CEP152: variants seen among roughly 807,000 people sequenced by gnomAD.
The protein encoded by CEP152 is centrosomal protein 152, also known as centrosomal protein of 152 kDa.
Under a neutral mutation model 188.9 loss-of-function variants are expected in CEP152, and 132 were observed. The ratio of observed to expected loss-of-function variants is 0.70; its 90% CI spans 0.61 to 0.81. The LOEUF is 0.81. Among genes scored for constraint, CEP152 ranks in the 30% least tolerant of loss-of-function variants. CEP152 has a pLI of 0.00. For synonymous variants in CEP152, 649 were observed against 666.6 expected, an observed-to-expected ratio of 0.97 and a Z score of 0.41; for missense variants, 1,914 against 1,969.8, an observed-to-expected ratio of 0.97 and a Z score of 0.54.
chr15:48,777,766 A>G (rs1186778786), intron 12 of CEP152, among the ~76,000 whole-genome samples: 1 of 152,160 alleles, frequency 6.6e-6, no homozygotes, highest in Non-Finnish European at 1.5e-5. Flanking sequence ...CTTAAGCAGA[A>G]TGATTATTTT....
At chr15:48,798,178 ACTT>A (rs1426353345) in intron 2 of CEP152, 127 bp from the exon 3 acceptor site, 2 of 717,454 alleles carry the variant, frequency 2.8e-6, no homozygotes, top group African/African-American at 3.5e-5. Context: ...CCTTTAATTA[ACTT>A]CTTAAGTTCC....
intron 17 of CEP152, among the ~76,000 whole-genome samples, chr15:48,762,927 C>G (rs1206025141): frequency 6.6e-6 from 1 of 151,968 alleles, no homozygotes; most frequent in Non-Finnish European, 1.5e-5. Flanking sequence ...GTCAGGATAT[C>G]TTGCTCTTAA....
chr15:48,791,314 C>G lies in CEP152; in HGVS notation c.895G>C (p.Glu299Gln), dbSNP rs776054120. 1 of 1,612,952 alleles carries G rather than the reference C, an allele frequency of 6.2e-7. No individual in the cohort carries two copies. The highest frequency in any genetic ancestry group is 1.1e-5 in the South Asian group (1 of 91,074). The part of the protein sequence containing the change: ...ESQKLFQNGK[E>Q]REIQLEAQIK... Reference sequence around the variant, plus strand: ...TGAGCTTCAAGCTGTATCTCTCTTTCTTTTCCATTCTGAAAGAGTTTCTGT... The same window carrying G: ...TGAGCTTCAAGCTGTATCTCTCTTTGTTTTCCATTCTGAAAGAGTTTCTGT... Residue 299 changes from glutamate (E) to glutamine (Q), a missense_variant, in exon 8 of 27, where the codon GAA (glutamate) becomes CAA (glutamine). Coordinates refer to ENST00000380950, the MANE Select transcript of CEP152 (RefSeq NM_001194998.2).
At chr15:48,807,209 C>T (rs1284961301) in intron 1 of CEP152, among the ~76,000 whole-genome samples, 3 of 151,924 alleles carry the variant, frequency 2.0e-5, no homozygotes, top group Admixed American at 6.5e-5. Flanking sequence ...ACATGCATAT[C>T]GAGGAAAATA....
At chr15:48,801,178 A>T (rs1230344964) in intron 2 of CEP152, among the ~76,000 whole-genome samples, 2 of 152,344 alleles carry the variant, frequency 1.3e-5, no homozygotes, top group Non-Finnish European at 1.5e-5. Context: ...AAAGATTCTG[A>T]TATTTTCAAA....
At chr15:48,747,190 G>C (rs1429594746) in intron 22 of CEP152, among the ~76,000 whole-genome samples, 1 of 152,208 alleles carries the variant, frequency 6.6e-6, no homozygotes, top group Admixed American at 6.5e-5. Context: ...AGAGGGGCTA[G>C]ACTAGAAGCA....
chr15:48,756,180 C>A lies in CEP152; in HGVS notation c.3068G>T (p.Ser1023Ile), dbSNP rs1046320145. 4.3e-6 allele frequency: 7 copies of A among 1,613,922 alleles called. No individual in the cohort carries two copies. Among genetic ancestry groups the A allele is most frequent in the Non-Finnish European group, 5.9e-6 (7 of 1,179,970 alleles). The change falls in exon 20 of 27, where the codon AGT becomes ATT. Residue 1023 changes from serine (S) to isoleucine (I), a missense_variant. Transcript: ENST00000380950. Reference protein sequence around the residue: ...ETELQTCLDQSRREWTMQEAK... With the variant: ...ETELQTCLDQIRREWTMQEAK... ...TTCCTGCATAGTCCATTCTCTACGACTCTGGTCTAGACAAGTTTGTAATTC... is the reference window on the plus strand; with the variant it reads ...TTCCTGCATAGTCCATTCTCTACGAATCTGGTCTAGACAAGTTTGTAATTC...
chr15:48,773,299 T>G (rs939848134), intron 12 of CEP152: 1 of 153,914 alleles, frequency 6.5e-6, no homozygotes, highest in African/African-American at 2.4e-5. Flanking sequence ...ATAAAGCAAA[T>G]AAAATAATAG....
At chr15:48,784,190 GATAC>G in intron 9 of CEP152, 70 bp from the exon 10 acceptor site, 1 of 1,428,126 alleles carries the variant, frequency 7.0e-7, no homozygotes, top group Non-Finnish European at 9.6e-7. Context: ...TAAAAATTAT[GATAC>G]ATAATTAGAT....
intron 10 of CEP152, 77 bp downstream of exon 10, chr15:48,783,896 A>G: frequency 6.8e-7 from 1 of 1,466,812 alleles, no homozygotes; most frequent in Non-Finnish European, 9.4e-7. Context: ...GATTTTTACA[A>G]GTCATGGATC....
chr15:48,795,003 A>G (rs1167766762), intron 6 of CEP152, among the ~76,000 whole-genome samples: 2 of 152,212 alleles, frequency 1.3e-5, no homozygotes, highest in African/African-American at 4.8e-5. Context: ...AAGCCAGAAT[A>G]TCCAGTATGA....
rs530771415 is a variant in CEP152, at chr15:48,775,140, A to C, written c.1578-2449T>G. Among the ~76,000 whole-genome samples, 45 of 152,104 alleles carry C rather than the reference A, an allele frequency of 3.0e-4. 1 individual carries two copies. The South Asian group carries it at 9.1e-3, about 31-fold the overall frequency. The stretch of plus-strand genomic sequence containing the variant: ...TATAGAAAAAAATGAACAGAGCCTC[A>C]AGAAACTGTAGTATAATATCAAAAA... On this transcript the variant is annotated intron_variant, in intron 12 of 26. Transcript: ENST00000380950.
intron 5 of CEP152, 41 bp from the exon 6 acceptor site, chr15:48,796,201 T>C (rs777752124): frequency 6.2e-7 from 1 of 1,610,722 alleles, no homozygotes; most frequent in African/African-American, 1.3e-5. Context: ...ATTTGGCCTT[T>C]TCTTCCAAAA....
At chr15:48,791,503 G>A in intron 7 of CEP152, 127 bp from the exon 8 acceptor site, 1 of 846,044 alleles carries the variant, frequency 1.2e-6, no homozygotes, top group South Asian at 1.6e-5. Flanking sequence ...TCAGAAAAAT[G>A]AACTTTAGTT....
chr15:48,803,074 C>A (rs1897772458), intron 2 of CEP152, among the ~76,000 whole-genome samples: 1 of 152,198 alleles, frequency 6.6e-6, no homozygotes, highest in South Asian at 2.1e-4. Flanking sequence ...CCTGGTAAGC[C>A]TTATAGCACA....
chr15:48,769,457 T>C (rs572437302), intron 13 of CEP152, among the ~76,000 whole-genome samples: 1 of 152,320 alleles, frequency 6.6e-6, no homozygotes, highest in African/African-American at 2.4e-5. Flanking sequence ...CGTTATTTTG[T>C]GGGATGTTCC....
Position 48,772,638 on chromosome 15 carries a change from A to G in CEP152, c.1631T>C (p.Leu544Pro), listed in dbSNP as rs1215185223. The change falls in exon 13 of 27, where the codon CTG becomes CCG. Residue 544 changes from leucine (L) to proline (P), a missense_variant. By Grantham distance (98) the Leu-to-Pro change is moderately conservative. Coordinates refer to ENST00000380950, the MANE Select transcript of CEP152 (RefSeq NM_001194998.2). ...ACGCTGTACTTCTGCCTTTAACTTC[A>G]GAATGAACTCATCTTTTGAAAGCTC... ...NEELSKDEFI[L>P]KLKAEVQRLL... 6.2e-7 allele frequency: 1 copy of G among 1,614,018 alleles called. No homozygotes were observed. Among genetic ancestry groups the G allele is most frequent in the African/African-American group, 1.3e-5 (1 of 74,932 alleles).
chr15:48,739,983 A>G (rs1892839396), intron 26 of CEP152, among the ~76,000 whole-genome samples: 1 of 152,322 alleles, frequency 6.6e-6, no homozygotes, highest in East Asian at 1.9e-4. Flanking sequence ...TGGCTTGTAC[A>G]TGAGGAATGT....
intron 19 of CEP152, among the ~76,000 whole-genome samples, chr15:48,757,818 T>C (rs1894387645): frequency 6.6e-6 from 1 of 152,236 alleles, no homozygotes; most frequent in South Asian, 2.1e-4. Context: ...TCAGTAGTGA[T>C]TTGAAACATG....
Sources: allele counts gnomAD v4.1 joint callset (sites outside exome capture counted in the v4.1 genomes callset), GRCh38; gene constraint gnomAD v4.1.1; transcripts MANE v1.5; gene names NCBI Gene and HGNC (gene_info 2026-07-23, HGNC 2026-07-21).